The following SPON1 variants were observed in gnomAD, a reference collection of about 807,000 sequenced individuals.
SPON1 encodes spondin 1.
In SPON1, 52 loss-of-function variants were observed where a neutral mutation model predicts 111.7. The observed-to-expected ratio is 0.47, with a 90% confidence interval of 0.37 to 0.59. The LOEUF is 0.59. Among genes scored for constraint, SPON1 ranks in the 20% least tolerant of loss-of-function variants. The pLI is 0.00. For missense variants in SPON1, 957 were observed against 1,068.5 expected (o/e 0.90, Z 1.46); for synonymous variants, 410 against 395.8 (o/e 1.04, Z -0.43).
intron 2 of SPON1, among the ~76,000 whole-genome samples, chr11:14,006,211 G>T (rs150371021): frequency 3.0e-4 from 45 of 152,248 alleles, no homozygotes; most frequent in African/African-American, 1.1e-3. Flanking sequence ...TGAAACTAAT[G>T]AATTGTCATC....
Position 14,028,447 on chromosome 11 carries a change from G to A in SPON1, c.346-13074G>A, listed in dbSNP as rs149355404. Among the ~76,000 whole-genome samples, 338 of 151,296 alleles carry A rather than the reference G, an allele frequency of 2.2e-3. 2 individuals carry two copies. Among genetic ancestry groups the A allele is most frequent in the African/African-American group, 7.4e-3 (305 of 41,184 alleles). ...ATGATCTTGTCACTTCACTCTAGCC[G>A]GGGCACAGAGTGAGACCCTGTCTCA... On this transcript the variant is annotated intron_variant, in intron 2 of 15. Coordinates refer to ENST00000576479, the MANE Select transcript of SPON1 (RefSeq NM_006108.4).
At chr11:14,137,146 A>T (rs1400928208) in intron 6 of SPON1, among the ~76,000 whole-genome samples, 1 of 152,220 alleles carries the variant, frequency 6.6e-6, no homozygotes, top group Non-Finnish European at 1.5e-5. Context: ...TTTCTGGAAA[A>T]GAAAGAATCC....
intron 6 of SPON1, among the ~76,000 whole-genome samples, chr11:14,167,470 C>G (rs1554931953): frequency 6.6e-6 from 1 of 150,542 alleles, no homozygotes; most frequent in African/African-American, 2.4e-5. Context: ...TCTTCTCTCT[C>G]CTCCCCTTTT....
intron 6 of SPON1, among the ~76,000 whole-genome samples, chr11:14,160,719 T>TTA (rs1232032157): frequency 4.5e-4 from 5 of 11,032 alleles, no homozygotes; most frequent in African/African-American, 1.8e-3. Flanking sequence ...TTATATATAT[T>TTA]TATATATTTA....
chr11:14,156,804 T>C (rs1047251714), intron 6 of SPON1, among the ~76,000 whole-genome samples: 1 of 152,156 alleles, frequency 6.6e-6, no homozygotes, highest in Admixed American at 6.5e-5. Flanking sequence ...CAGATAGTTG[T>C]AGATATGCGG....
intron 5 of SPON1, among the ~76,000 whole-genome samples, chr11:14,082,601 T>C (rs1313156978): frequency 6.6e-6 from 1 of 152,148 alleles, no homozygotes; most frequent in Non-Finnish European, 1.5e-5. Flanking sequence ...TTCAGCTAAT[T>C]ATGATGGGCA....
intron 7 of SPON1, among the ~76,000 whole-genome samples, chr11:14,246,169 TGAG>T (rs1848987520): frequency 6.6e-6 from 1 of 152,152 alleles, no homozygotes; most frequent in Non-Finnish European, 1.5e-5. Flanking sequence ...AGTTTTCTCT[TGAG>T]GAGCCTGGGC....
intron 6 of SPON1, among the ~76,000 whole-genome samples, chr11:14,150,566 G>A (rs1044450097): frequency 6.6e-6 from 1 of 151,918 alleles, no homozygotes; most frequent in Non-Finnish European, 1.5e-5. Context: ...ACTATACCCT[G>A]TAAATATGTA....
At chr11:14,237,279 G>A (rs782195715) in intron 6 of SPON1, among the ~76,000 whole-genome samples, 1 of 152,116 alleles carries the variant, frequency 6.6e-6, no homozygotes, top group African/African-American at 2.4e-5. Context: ...AGTGCTCACC[G>A]GGGTCTCCAC....
At chr11:14,158,819 C>A (rs1051835670) in intron 6 of SPON1, among the ~76,000 whole-genome samples, 1 of 152,098 alleles carries the variant, frequency 6.6e-6, no homozygotes, top group Non-Finnish European at 1.5e-5. Context: ...AGTATCTCTT[C>A]TTTAAGTACT....
chr11:14,259,662 G>A lies in SPON1; in HGVS notation c.1792G>A (p.Glu598Lys), dbSNP rs782392696. The A allele has an allele frequency of 1.2e-5, 19 of 1,571,552 alleles. No individual in the cohort carries two copies. Among genetic ancestry groups the A allele is most frequent in the African/African-American group, 9.5e-5 (7 of 73,908 alleles). The change falls in exon 13 of 16, where the codon GAG (glutamate) becomes AAG (lysine). Residue 598 changes from glutamate to lysine, a missense_variant. Physicochemically the swap from Glu to Lys is moderately conservative, Grantham distance 56 (BLOSUM62 1). Around this residue, in one of 5 missense-constraint regions of SPON1, gnomAD observed 549 missense variants for 606.2 expected, o/e 0.91. Transcript: ENST00000576479. This position sits in a 1 kb window ranked among gnomAD's most constrained non-coding sequence, Gnocchi z 5.0. Reference protein sequence around the residue: ...NPADGSMCKAETSQAEKCMMP... With the variant: ...NPADGSMCKAKTSQAEKCMMP... ...CGCAGATGGCTCCATGTGCAAAGCC[G>A]AGACATCACAGGCAGAGAAGTGCAT...
intron 2 of SPON1, among the ~76,000 whole-genome samples, chr11:14,005,346 C>T (rs1848351201): frequency 1.3e-5 from 2 of 152,160 alleles, no homozygotes. Flanking sequence ...CCCTAGAGAA[C>T]AAGATCATCC....
chr11:14,032,951 A>G (rs1848569729), intron 2 of SPON1, among the ~76,000 whole-genome samples: 1 of 152,116 alleles, frequency 6.6e-6, no homozygotes, highest in Non-Finnish European at 1.5e-5. Flanking sequence ...GCTGTCCTCA[A>G]TTGGGGGTTA....
intron 2 of SPON1, among the ~76,000 whole-genome samples, chr11:14,017,821 T>A (rs1432979431): frequency 1.3e-5 from 2 of 152,236 alleles, no homozygotes; most frequent in Non-Finnish European, 2.9e-5. Flanking sequence ...CCTAAGTGTC[T>A]TGAAAAATAT....
intron 6 of SPON1, among the ~76,000 whole-genome samples, chr11:14,212,226 G>A (rs1848584352): frequency 6.6e-6 from 1 of 151,956 alleles, no homozygotes; most frequent in African/African-American, 2.4e-5. Flanking sequence ...AGTCAGCATA[G>A]CTTGGGAATT....
At chr11:14,245,316 C>T (rs960019243) in intron 7 of SPON1, among the ~76,000 whole-genome samples, 1 of 152,154 alleles carries the variant, frequency 6.6e-6, no homozygotes, top group Non-Finnish European at 1.5e-5. Context: ...CCCTACTGTG[C>T]GCCAGCCCTG....
chr11:14,110,681 A>G (rs1461278778), intron 5 of SPON1, among the ~76,000 whole-genome samples: 1 of 152,206 alleles, frequency 6.6e-6, no homozygotes, highest in Non-Finnish European at 1.5e-5. Context: ...GCAGAGCCCA[A>G]AGGCTGAAGA....
chr11:14,179,812 C>T (rs915447088), intron 6 of SPON1, among the ~76,000 whole-genome samples: 3 of 152,086 alleles, frequency 2.0e-5, no homozygotes, highest in Admixed American at 2.0e-4. Flanking sequence ...AAAAAATCTC[C>T]TTTATGATGC....
At chr11:14,192,325 T>C (rs1488085711) in intron 6 of SPON1, among the ~76,000 whole-genome samples, 6 of 152,094 alleles carry the variant, frequency 3.9e-5, no homozygotes, top group African/African-American at 1.4e-4. Context: ...AGGGTATGTC[T>C]GTCATTCACT....
Sources: allele counts gnomAD v4.1 joint callset (sites outside exome capture counted in the v4.1 genomes callset), GRCh38; gene constraint gnomAD v4.1.1; regional missense constraint gnomAD v4.1.1; non-coding constraint Gnocchi (gnomAD v3.1); transcripts MANE v1.5; gene names NCBI Gene and HGNC (gene_info 2026-07-23, HGNC 2026-07-21).